KLHL2: variants seen among roughly 807,000 people sequenced by gnomAD.
KLHL2 encodes kelch-like protein 2.
A neutral mutation model predicts 75.8 loss-of-function variants in KLHL2; 15 were observed. That is an observed-to-expected ratio of 0.20 (90% confidence interval 0.13 to 0.30). The LOEUF is 0.30. Among genes scored for constraint, KLHL2 ranks in the 10% least tolerant of loss-of-function variants. The pLI is 1.00. For synonymous variants in KLHL2, 214 were observed against 251.9 expected, an observed-to-expected ratio of 0.85 and a Z score of 1.42; for missense variants, 381 against 741.0, an observed-to-expected ratio of 0.51 and a Z score of 5.64.
At position 165,292,773 on chromosome 4, in the gene KLHL2, C is replaced by G. The variant is rs543394352; in HGVS notation, c.545-1586C>G. ...ATTTGAAATGAATCTTTTATTTCAC[C>G]TTATAAAACAGTTTTATAAACTCTA... On this transcript the variant is annotated intron_variant, in intron 5 of 14. Coordinates refer to ENST00000226725, the MANE Select transcript of KLHL2 (RefSeq NM_007246.4). 4.6e-5 allele frequency among the ~76,000 whole-genome samples: 7 copies of G among 151,620 alleles called. No individual in the cohort carries two copies. The East Asian group carries it at 1.4e-3, about 29-fold the overall frequency.
At chr4:165,289,160 C>G (rs1480660580) in intron 5 of KLHL2, among the ~76,000 whole-genome samples, 1 of 152,072 alleles carries the variant, frequency 6.6e-6, no homozygotes, top group Non-Finnish European at 1.5e-5. Flanking sequence ...AATTGCCTAT[C>G]AGTAAATACT....
At chr4:165,273,370 A>G (rs2126355760) in intron 5 of KLHL2, among the ~76,000 whole-genome samples, 1 of 152,334 alleles carries the variant, frequency 6.6e-6, no homozygotes, top group Admixed American at 6.5e-5. Flanking sequence ...AGTTATTTCC[A>G]TATCTTTGGT....
chr4:165,291,799 G>A (rs1349659322), intron 5 of KLHL2, among the ~76,000 whole-genome samples: 1 of 152,044 alleles, frequency 6.6e-6, no homozygotes, highest in East Asian at 1.9e-4. Context: ...TTTGCATACA[G>A]CCTACTCACA....
intron 1 of KLHL2, among the ~76,000 whole-genome samples, chr4:165,212,759 A>G (rs1737279360): frequency 2.0e-5 from 3 of 152,170 alleles, no homozygotes; most frequent in African/African-American, 2.4e-5. Flanking sequence ...TGGGATTCTA[A>G]TCTCTCTGTT....
rs181364134 is a variant in KLHL2 at position 165,235,187 on chromosome 4, A to T, written c.260-3591A>T. On this transcript the variant is annotated intron_variant, in intron 3 of 14. Transcript: ENST00000226725. ...CTATATTTTATGTATTTATTCAGTTAATTTATTTATTTACTTATTTATTTA... is the reference window on the plus strand; with the variant it reads ...CTATATTTTATGTATTTATTCAGTTTATTTATTTATTTACTTATTTATTTA... 1.8e-4 allele frequency among the ~76,000 whole-genome samples: 27 copies of T among 152,340 alleles called. No homozygotes were observed. The East Asian group carries it at 3.9e-3, about 22-fold the overall frequency.
intron 5 of KLHL2, among the ~76,000 whole-genome samples, chr4:165,287,049 C>T (rs776953535): frequency 2.5e-4 from 38 of 152,192 alleles, no homozygotes; most frequent in Middle Eastern, 3.4e-3. Context: ...TTAAGTGTTC[C>T]ACTCAGTAGT....
intron 5 of KLHL2, among the ~76,000 whole-genome samples, chr4:165,275,042 A>G (rs980478364): frequency 1.2e-4 from 19 of 152,216 alleles, no homozygotes; most frequent in African/African-American, 2.2e-4. Flanking sequence ...TAAATGGCCT[A>G]TGTGCTGAGG....
intron 11 of KLHL2, among the ~76,000 whole-genome samples, chr4:165,311,785 C>T (rs1443492020): frequency 1.3e-5 from 2 of 149,558 alleles, no homozygotes; most frequent in Non-Finnish European, 3.0e-5. Flanking sequence ...CTATCCCCCT[C>T]CCTTTATCCC....
chr4:165,258,468 G>A (rs1020854605), intron 4 of KLHL2, among the ~76,000 whole-genome samples: 2 of 151,070 alleles, frequency 1.3e-5, no homozygotes, highest in African/African-American at 4.9e-5. Flanking sequence ...TAACACTAGT[G>A]CAACTCTGCA....
At chr4:165,310,858 T>G (rs866126097) in intron 10 of KLHL2, 108 bp downstream of exon 10, 16,142 of 516,260 alleles carry the variant, frequency 0.031, 152 homozygotes, top group East Asian at 0.09. Flanking sequence ...TTTTTGTGTT[T>G]TTTTTTTTTT....
Position 165,275,729 on chromosome 4 carries a change from CA to C in KLHL2, c.544+12371del, listed in dbSNP as rs1743030677. The stretch of plus-strand genomic sequence containing the variant: ...AGTCGGGATTACAGGCATGAGCTAC[CA>C]CACCCAGCCTGACTACCATTTTCAA... On this transcript the variant is annotated intron_variant, in intron 5 of 14. Transcript: ENST00000226725. Among the ~76,000 whole-genome samples, 5 of 152,172 alleles carry C rather than the reference CA, an allele frequency of 3.3e-5. No individual in the cohort carries two copies. In the South Asian group the frequency reaches 1.0e-3, roughly 31 times the overall value.
At chr4:165,267,423 A>G (rs1243015217) in intron 5 of KLHL2, among the ~76,000 whole-genome samples, 1 of 152,058 alleles carries the variant, frequency 6.6e-6, no homozygotes, top group East Asian at 1.9e-4. Flanking sequence ...GTTTTTGCCC[A>G]TTCAGTATGA....
intron 5 of KLHL2, among the ~76,000 whole-genome samples, chr4:165,267,793 C>T (rs1742354849): frequency 6.6e-6 from 1 of 152,148 alleles, no homozygotes; most frequent in Admixed American, 6.5e-5. Context: ...TGTTTCTCTG[C>T]CAGCCTTTGG....
chr4:165,223,373 A>G (rs905236650), intron 2 of KLHL2, among the ~76,000 whole-genome samples: 2 of 152,200 alleles, frequency 1.3e-5, no homozygotes, highest in Non-Finnish European at 2.9e-5. Context: ...AAGAATTCTC[A>G]TGGGGAAAAT....
chr4:165,209,945 C>G (rs542932225), intron 1 of KLHL2: 3 of 1,374,906 alleles, frequency 2.2e-6, no homozygotes, highest in South Asian at 1.5e-5. Flanking sequence ...ATTAACATCC[C>G]TCCACCATGG....
At chr4:165,274,360 A>G (rs1489429258) in intron 5 of KLHL2, among the ~76,000 whole-genome samples, 2 of 152,148 alleles carry the variant, frequency 1.3e-5, no homozygotes, top group Non-Finnish European at 2.9e-5. Context: ...CTGTAATCCC[A>G]GCACTTTGGG....
intron 5 of KLHL2, among the ~76,000 whole-genome samples, chr4:165,286,857 A>G (rs1358741972): frequency 6.6e-6 from 1 of 152,164 alleles, no homozygotes; most frequent in African/African-American, 2.4e-5. Flanking sequence ...AGTGACATGC[A>G]TTGACTGTCT....
chr4:165,298,887 A>G (rs75786528), intron 7 of KLHL2, among the ~76,000 whole-genome samples: 14,036 of 151,220 alleles, frequency 0.093, 1,507 homozygotes, highest in African/African-American at 0.26. Flanking sequence ...CCAGGATTGT[A>G]CCACTGAACT....
Position 165,322,119 on chromosome 4 carries a change from T to C in KLHL2, c.*59T>C. 1 of 1,456,310 alleles carries C rather than the reference T, an allele frequency of 6.9e-7. No individual in the cohort carries two copies. Among genetic ancestry groups the C allele is most frequent in the Non-Finnish European group, 9.6e-7 (1 of 1,036,830 alleles). 90.2% of individuals were successfully genotyped at this position (1,456,310 alleles called of 1,614,324 possible). A position where few individuals can be genotyped will look rare whatever the true frequency, so the allele number is the denominator to read the frequency against. The stretch of plus-strand genomic sequence containing the variant: ...AGAAACAGCCTTCAACAAGTATTTG[T>C]GAAGTGACTGAGAATCTAGCACTTC... On this transcript the variant is annotated 3_prime_UTR_variant, in exon 15 of 15. Coordinates refer to ENST00000226725, the MANE Select transcript of KLHL2 (RefSeq NM_007246.4).
Sources: gnomAD v4.1 joint callset for allele counts (sites outside exome capture counted in the v4.1 genomes callset) on GRCh38, gnomAD v4.1.1 for gene constraint, MANE v1.5 for transcripts, NCBI Gene and HGNC (gene_info 2026-07-23, HGNC 2026-07-21) for gene names.